Variants in CACNA1I observed in about 807,000 individuals in gnomAD.
CACNA1I encodes the protein voltage-dependent T-type calcium channel subunit alpha-1I.
CACNA1I carries 74 observed loss-of-function variants against 201.6 expected under a neutral mutation model. The ratio of observed to expected loss-of-function variants is 0.37; its 90% confidence interval spans 0.30 to 0.45. The LOEUF is 0.45. Ranked by LOEUF, CACNA1I falls within the 20% of genes least tolerant of loss-of-function variation. The probability of loss-of-function intolerance (pLI) is 1.00; values close to 1 mark genes in which losing one functional copy is unlikely to be tolerated. For missense variants in CACNA1I, 2,346 were observed against 3,138.1 expected, an observed-to-expected ratio of 0.75 and a Z score of 6.03; for synonymous variants, 1,431 against 1,345.2, an observed-to-expected ratio of 1.06 and a Z score of -1.40.
chr22:39,674,007 G>T lies in CACNA1I; in HGVS notation c.4828G>T (p.Asp1610Tyr). 6.2e-7 allele frequency: 1 copy of T among 1,613,458 alleles called. No individual in the cohort carries two copies. The change falls in exon 29 of 37, where the codon GAC becomes TAC. Residue 1610 changes from aspartate (D) to tyrosine (Y), a missense_variant. Physicochemically the swap from Asp to Tyr is radical, Grantham distance 160 (BLOSUM62 -3). Coordinates refer to ENST00000402142, the MANE Select transcript of CACNA1I (RefSeq NM_021096.4). ...GGCCACAGGAATGCGGGCCCTGCTG[G>T]ACACGGTGGTGCAAGCTTTGCCCCA... is the stretch of plus-strand genomic sequence containing the variant. ...KMATGMRALLDTVVQALPQVG... is the reference protein window; with the variant it reads ...KMATGMRALLYTVVQALPQVG...
At chr22:39,644,484 C>T (rs1934427091) in intron 7 of CACNA1I, among the ~76,000 whole-genome samples, 1 of 152,190 alleles carries the variant, frequency 6.6e-6, no homozygotes, top group African/African-American at 2.4e-5. Context: ...GGCCCTGTCA[C>T]AGGACGATGA....
At chr22:39,616,601 C>T (rs1257976164) in intron 3 of CACNA1I, among the ~76,000 whole-genome samples, 1 of 151,914 alleles carries the variant, frequency 6.6e-6, no homozygotes, top group African/African-American at 2.4e-5. Context: ...TCCATCTCTA[C>T]TAAAAATACA....
At chr22:39,625,283 C>T (rs978862691) in intron 4 of CACNA1I, among the ~76,000 whole-genome samples, 2 of 152,102 alleles carry the variant, frequency 1.3e-5, no homozygotes, top group African/African-American at 2.4e-5. Flanking sequence ...TGGTGATGGG[C>T]GCAGTCAAAT....
Position 39,649,436 on chromosome 22 carries a change from G to T in CACNA1I, c.1568-65G>T. 1.4e-6 allele frequency: 2 copies of T among 1,422,962 alleles called. No homozygotes were observed. Among genetic ancestry groups the T allele is most frequent in the Middle Eastern group, 2.1e-4 (1 of 4,800 alleles). The allele number at this position is 1,422,962 out of a possible 1,614,324, so 88.1% of individuals were successfully genotyped here. On this transcript the variant is annotated intron_variant, in intron 9 of 36. Transcript: ENST00000402142. This position sits in a 1 kb window ranked among gnomAD's most constrained non-coding sequence, Gnocchi z 7.3. The stretch of plus-strand genomic sequence containing the variant: ...CTGGGAGCCAAGCGCACTCAGGGAT[G>T]TGTCCCAGGGTGGATTGGGCCTGGT...
At chr22:39,616,009 G>A (rs1052670480) in intron 3 of CACNA1I, among the ~76,000 whole-genome samples, 1 of 152,112 alleles carries the variant, frequency 6.6e-6, no homozygotes, top group East Asian at 1.9e-4. Context: ...CTTTTCACCG[G>A]GGTCTGAGGG....
chr22:39,592,667 G>A (rs1932836132), intron 1 of CACNA1I, among the ~76,000 whole-genome samples: 1 of 152,224 alleles, frequency 6.6e-6, no homozygotes, highest in African/African-American at 2.4e-5. Context: ...TAGCACTCCA[G>A]CCCTGCCCCC....
chr22:39,591,353 G>A (rs967112397), intron 1 of CACNA1I, among the ~76,000 whole-genome samples: 23 of 150,198 alleles, frequency 1.5e-4, no homozygotes, highest in African/African-American at 4.4e-4. Context: ...GTAGAGACGG[G>A]GTTTCACCAT....
At chr22:39,655,522 GTC>G (rs1434212046) in intron 10 of CACNA1I, among the ~76,000 whole-genome samples, 1 of 152,112 alleles carries the variant, frequency 6.6e-6, no homozygotes, top group Non-Finnish European at 1.5e-5. Context: ...CTCTTTTTGT[GTC>G]TCTTTCTGGC....
intron 24 of CACNA1I, among the ~76,000 whole-genome samples, 180 bp downstream of exon 24, chr22:39,668,561 C>T (rs1055808970): frequency 4.6e-5 from 7 of 152,170 alleles, no homozygotes; most frequent in African/African-American, 1.7e-4. Flanking sequence ...AGTCCCTCCT[C>T]GGGTAGCGTA....
intron 26 of CACNA1I, 94 bp from the exon 27 acceptor site, chr22:39,672,105 A>G (rs961039241): frequency 3.4e-5 from 25 of 739,800 alleles, no homozygotes; most frequent in Admixed American, 8.7e-5. Flanking sequence ...AATGGACTAA[A>G]TTCTCTCCTT....
At chr22:39,585,500 C>T (rs1932719651) in intron 1 of CACNA1I, among the ~76,000 whole-genome samples, 1 of 146,674 alleles carries the variant, frequency 6.8e-6, no homozygotes, top group African/African-American at 2.5e-5. Flanking sequence ...AGCGATTCTC[C>T]TGCCTCAGCC....
At position 39,626,974 on chromosome 22, in the gene CACNA1I, G is replaced by A. The variant is rs1047163351; in HGVS notation, c.580+7567G>A. ...TGACACCTACTTTCTAGATGGGGAAGCAGGCAGAGGGGTTGACTAGTCTGC... is the reference window on the plus strand; with the variant it reads ...TGACACCTACTTTCTAGATGGGGAAACAGGCAGAGGGGTTGACTAGTCTGC... On this transcript the variant is annotated intron_variant, in intron 4 of 36. Coordinates refer to ENST00000402142, the MANE Select transcript of CACNA1I (RefSeq NM_021096.4). Among the ~76,000 whole-genome samples the A allele has an allele frequency of 7.9e-5, 12 of 152,254 alleles. 1 individual carries two copies. The highest frequency in any genetic ancestry group is 7.8e-4 in the Admixed American group (12 of 15,288).
In CACNA1I at chr22:39,676,944, T is replaced by C. The variant is rs139871091; in HGVS notation, c.4855-397T>C. 2.8e-4 allele frequency among the ~76,000 whole-genome samples: 43 copies of C among 152,332 alleles called. No individual in the cohort carries two copies. Among genetic ancestry groups the C allele is most frequent in the African/African-American group, 9.4e-4 (39 of 41,580 alleles). ...GACCCTGGGGCCAGCCTGCTGGGTT[T>C]GGACCCTTGTCCTACCAGTTACTAG... On this transcript the variant is annotated intron_variant, in intron 29 of 36. Transcript: ENST00000402142. The surrounding 1 kb of genome is among the most constrained non-coding windows in gnomAD (Gnocchi z 4.8).
chr22:39,589,200 TTCTTCTGTTGA>T (rs1302561471), intron 1 of CACNA1I, among the ~76,000 whole-genome samples: 3 of 152,158 alleles, frequency 2.0e-5, no homozygotes, highest in Non-Finnish European at 4.4e-5. Flanking sequence ...CCCTACCCCA[TTCTTCTGTTGA>T]TGAACACCTA....
chr22:39,688,566 G>A lies in CACNA1I; in HGVS notation c.*2161G>A, dbSNP rs1217065216. On this transcript the variant is annotated 3_prime_UTR_variant, in exon 37 of 37. Transcript: ENST00000402142. This position sits in a 1 kb window ranked among gnomAD's most constrained non-coding sequence, Gnocchi z 4.8. ...GCCCAGAAGAGGGGCTGTGTGGCCT[G>A]GGAATACCATGTGGAAGGTTGGGCT... 1.3e-5 allele frequency: 2 copies of A among 152,182 alleles called. No homozygotes were observed. The highest frequency in any genetic ancestry group is 4.8e-5 in the African/African-American group (2 of 41,420). 9.4% of individuals were successfully genotyped at this position (152,182 alleles called of 1,614,324 possible).
chr22:39,620,730 T>TTTG (rs35402152), intron 4 of CACNA1I, among the ~76,000 whole-genome samples: 44 of 147,780 alleles, frequency 3.0e-4, no homozygotes, highest in African/African-American at 1.0e-3. Context: ...CTGGTTTTTT[T>TTTG]TTGTTGTTGT....
At chr22:39,642,430 C>G (rs1934373503) in intron 6 of CACNA1I, among the ~76,000 whole-genome samples, 1 of 152,146 alleles carries the variant, frequency 6.6e-6, no homozygotes, top group Non-Finnish European at 1.5e-5. Context: ...GGTGGGCTCC[C>G]CACATACAGA....
At chr22:39,669,081 A>AAGAC (rs1407437843) in intron 24 of CACNA1I, among the ~76,000 whole-genome samples, 2 of 152,116 alleles carry the variant, frequency 1.3e-5, no homozygotes, top group Admixed American at 6.5e-5. Flanking sequence ...GACTTTAGGC[A>AAGAC]AGACGTGTGG....
intron 28 of CACNA1I, 86 bp downstream of exon 28, chr22:39,673,168 G>C (rs548701105): frequency 8.7e-7 from 1 of 1,148,442 alleles, no homozygotes; most frequent in Non-Finnish European, 1.3e-6. Flanking sequence ...ACACAGGAGT[G>C]GGGTGGGGAG....
Sources: gnomAD v4.1 joint callset for allele counts (sites outside exome capture counted in the v4.1 genomes callset) on GRCh38, gnomAD v4.1.1 for gene constraint, Gnocchi (gnomAD v3.1) non-coding constraint, MANE v1.5 for transcripts, NCBI Gene and HGNC (gene_info 2026-07-23, HGNC 2026-07-21) for gene names.